Variants in RPRD2 observed in about 807,000 individuals in gnomAD.
The protein encoded by RPRD2 is regulation of nuclear pre-mRNA domain containing 2.
A neutral mutation model predicts 104.4 loss-of-function variants in RPRD2; 12 were observed. That is an observed-to-expected ratio of 0.11 (90% CI 0.07 to 0.19). The LOEUF is 0.19. RPRD2 is among the 10% of genes least tolerant of loss of function. RPRD2 has a pLI of 1.00. For synonymous variants in RPRD2, 714 were observed against 684.9 expected (o/e 1.04, Z -0.66); for missense variants, 1,543 against 1,790.1 (o/e 0.86, Z 2.49).
intron 2 of RPRD2, among the ~76,000 whole-genome samples, chr1:150,428,444 G>A (rs946455330): frequency 5.9e-5 from 7 of 119,052 alleles, no homozygotes; most frequent in African/African-American, 2.3e-4. Context: ...GATAGAGTGA[G>A]ACTCTGTCTC....
At chr1:150,431,724 A>G (rs1665611232) in intron 2 of RPRD2, among the ~76,000 whole-genome samples, 3 of 151,872 alleles carry the variant, frequency 2.0e-5, no homozygotes, top group Admixed American at 1.3e-4. Flanking sequence ...TAGGTGACCC[A>G]CCCATGTCAG....
intron 7 of RPRD2, among the ~76,000 whole-genome samples, chr1:150,452,912 C>T (rs587717106): frequency 6.6e-5 from 10 of 151,920 alleles, no homozygotes; most frequent in Admixed American, 3.3e-4. Flanking sequence ...TCAGGTGATC[C>T]GCCTGCCTCT....
chr1:150,437,635 A>G (rs1222454326), intron 2 of RPRD2, among the ~76,000 whole-genome samples: 1 of 152,024 alleles, frequency 6.6e-6, no homozygotes, highest in Non-Finnish European at 1.5e-5. Flanking sequence ...GCTGGAGTGC[A>G]GTGGTGTTGT....
chr1:150,394,744 G>A (rs1662358877), intron 1 of RPRD2, among the ~76,000 whole-genome samples: 1 of 152,068 alleles, frequency 6.6e-6, no homozygotes, highest in Admixed American at 6.6e-5. Flanking sequence ...ACCATGCCTG[G>A]CTAATTTTTG....
intron 7 of RPRD2, among the ~76,000 whole-genome samples, chr1:150,447,610 A>G (rs587764019): frequency 6.6e-6 from 1 of 152,340 alleles, no homozygotes; most frequent in South Asian, 2.1e-4. Flanking sequence ...CTGGGATTAC[A>G]GGCATGAGCC....
At chr1:150,457,230 A>G (rs1572514896) in intron 7 of RPRD2, 58 bp from the exon 8 acceptor site, 1 of 1,545,140 alleles carries the variant, frequency 6.5e-7, no homozygotes, top group Non-Finnish European at 8.7e-7. Context: ...CCTCAAAAAG[A>G]AAAAATGTTA....
intron 2 of RPRD2, among the ~76,000 whole-genome samples, chr1:150,420,122 A>G (rs1216785717): frequency 6.6e-6 from 1 of 152,238 alleles, no homozygotes; most frequent in East Asian, 1.9e-4. Flanking sequence ...ATAATTGTGA[A>G]TAAGAACAAC....
chr1:150,462,693 C>T (rs1435538553), intron 9 of RPRD2, among the ~76,000 whole-genome samples: 2 of 151,922 alleles, frequency 1.3e-5, no homozygotes, highest in African/African-American at 4.8e-5. Context: ...GTAGCTGGGA[C>T]TACAGGTGCC....
At chr1:150,368,257 C>T (rs1437318396) in intron 1 of RPRD2, among the ~76,000 whole-genome samples, 2 of 126,824 alleles carry the variant, frequency 1.6e-5, no homozygotes, top group African/African-American at 5.9e-5. Context: ...TTTTAAATTA[C>T]ATGTATCTGT....
chr1:150,453,101 T>G (rs587747732), intron 7 of RPRD2, among the ~76,000 whole-genome samples: 87 of 151,594 alleles, frequency 5.7e-4, no homozygotes, highest in African/African-American at 2.1e-3. Context: ...GGCACAATCT[T>G]GGTTCACTGC....
chr1:150,405,484 G>A (rs1694385), intron 1 of RPRD2, among the ~76,000 whole-genome samples: 49,846 of 151,722 alleles, frequency 0.33, 8,884 homozygotes, highest in Non-Finnish European at 0.4. Context: ...ATATAATTCC[G>A]TAGGCTGAAT....
chr1:150,367,589 A>G (rs116669437), intron 1 of RPRD2, among the ~76,000 whole-genome samples: 2,118 of 152,080 alleles, frequency 0.014, 55 homozygotes, highest in African/African-American at 0.049. Context: ...TTAAGTAACT[A>G]TTAGATTCCA....
chr1:150,382,909 C>A (rs1478869073), intron 1 of RPRD2, among the ~76,000 whole-genome samples: 1 of 152,176 alleles, frequency 6.6e-6, no homozygotes, highest in African/African-American at 2.4e-5. Context: ...TGGTCTAGAA[C>A]TGCTGGGCTC....
Position 150,472,356 on chromosome 1 carries a change from C to T in RPRD2, c.3408C>T (p.Ser1136=). The part of the protein sequence containing the change: ...VGWFDLSTSG[S]SFDNGPSSAS... ...GGTTTGATCTGAGCACATCAGGTAG[C>T]TCTTTTGACAATGGCCCTTCAAGTG... Residue 1136 remains serine (S), a synonymous_variant, in exon 11 of 11, where the codon AGC becomes AGT. Coordinates refer to ENST00000369068, the MANE Select transcript of RPRD2 (RefSeq NM_015203.5). The T allele has an allele frequency of 6.2e-7, 1 of 1,613,974 alleles. No individual in the cohort carries two copies. Among genetic ancestry groups the T allele is most frequent in the Non-Finnish European group, 8.5e-7 (1 of 1,179,874 alleles).
rs373198505 is a variant in RPRD2, at chr1:150,364,655, CCCGCCG to C, written c.-39_-34del. 1.0e-3 allele frequency: 917 copies of C among 895,084 alleles called. 4 individuals carry two copies. Among genetic ancestry groups the C allele is most frequent in the African/African-American group, 6.2e-3 (355 of 57,286 alleles). The allele number at this position is 895,084 out of a possible 1,614,324, so 55.4% of individuals were successfully genotyped here. On this transcript the variant is annotated 5_prime_UTR_variant, in exon 1 of 11. Coordinates refer to ENST00000369068, the MANE Select transcript of RPRD2 (RefSeq NM_015203.5). The stretch of plus-strand genomic sequence containing the variant: ...ACTCGCAGTGATTGTTTTGCCCGCT[CCCGCCG>C]CCGCCGCCGCCGCCGCCGCCAGAGG...
rs1163350837 is a variant in RPRD2 at position 150,453,573 on chromosome 1, A to G, written c.871-3715A>G. On this transcript the variant is annotated intron_variant, in intron 7 of 10. Transcript: ENST00000369068. ...ACAGAGGAAGGGAAAGAAATTTTTC[A>G]CTATTTTCATGAACATATTAATCAT... 2.0e-5 allele frequency among the ~76,000 whole-genome samples: 3 copies of G among 152,124 alleles called. 1 individual carries two copies. Among genetic ancestry groups the G allele is most frequent in the African/African-American group, 7.2e-5 (3 of 41,412 alleles).
intron 1 of RPRD2, among the ~76,000 whole-genome samples, chr1:150,394,394 G>A (rs1407710953): frequency 2.0e-5 from 3 of 152,004 alleles, no homozygotes; most frequent in African/African-American, 7.3e-5. Flanking sequence ...GATTGTATGA[G>A]AGAATGTTCC....
At chr1:150,396,663 A>G (rs1236489105) in intron 1 of RPRD2, among the ~76,000 whole-genome samples, 2 of 152,282 alleles carry the variant, frequency 1.3e-5, no homozygotes, top group East Asian at 3.9e-4. Flanking sequence ...AGTTGGTACC[A>G]CCATCATCCT....
At chr1:150,391,930 G>A (rs587749502) in intron 1 of RPRD2, among the ~76,000 whole-genome samples, 157 of 151,456 alleles carry the variant, frequency 1.0e-3, no homozygotes, top group Non-Finnish European at 1.5e-3. Flanking sequence ...TAAAAAAAAG[G>A]ACAAAACTAT....
Sources: gnomAD v4.1 joint callset for allele counts (sites outside exome capture counted in the v4.1 genomes callset) on GRCh38, gnomAD v4.1.1 for gene constraint, MANE v1.5 for transcripts, NCBI Gene and HGNC (gene_info 2026-07-23, HGNC 2026-07-21) for gene names.